Variants in SEMA5A observed in about 807,000 individuals in gnomAD.
The protein encoded by SEMA5A is semaphorin-5A.
Under a neutral mutation model 135.5 loss-of-function variants are expected in SEMA5A, and 55 were observed. The observed-to-expected ratio is 0.41, with a 90% CI of 0.33 to 0.51. The LOEUF (loss-of-function observed/expected upper bound fraction) is 0.51. Ranked by LOEUF, SEMA5A falls within the 20% of genes least tolerant of loss-of-function variation. SEMA5A has a pLI of 0.37. For missense variants in SEMA5A, 1,290 were observed against 1,419.9 expected (o/e 0.91, Z 1.47); for synonymous variants, 580 against 546.5 (o/e 1.06, Z -0.85).
At chr5:9,218,634 T>C (rs1027105591) in intron 8 of SEMA5A, among the ~76,000 whole-genome samples, 1 of 152,092 alleles carries the variant, frequency 6.6e-6, no homozygotes, top group Non-Finnish European at 1.5e-5. Flanking sequence ...CACAAAAATG[T>C]TGCAAAAAAC....
intron 21 of SEMA5A, among the ~76,000 whole-genome samples, chr5:9,045,600 G>T (rs1203827995): frequency 1.3e-5 from 2 of 152,078 alleles, no homozygotes; most frequent in African/African-American, 4.8e-5. Flanking sequence ...GTGCTGGTGT[G>T]GTGTAAATAC....
chr5:9,374,622 CGTGTGTGTGTGT>C (rs3086524), intron 3 of SEMA5A, among the ~76,000 whole-genome samples: 1 of 147,132 alleles, frequency 6.8e-6, no homozygotes, highest in Non-Finnish European at 1.5e-5. Flanking sequence ...CACAAGACAT[CGTGTGTGTGTGT>C]GTGTGTGTGT....
At chr5:9,339,200 G>A (rs1313556609) in intron 3 of SEMA5A, among the ~76,000 whole-genome samples, 1 of 152,158 alleles carries the variant, frequency 6.6e-6, no homozygotes, top group East Asian at 1.9e-4. Flanking sequence ...AACAGCACTA[G>A]TATCTTTAAA....
At chr5:9,505,871 A>G (rs1395356077) in intron 1 of SEMA5A, among the ~76,000 whole-genome samples, 1 of 152,194 alleles carries the variant, frequency 6.6e-6, no homozygotes, top group African/African-American at 2.4e-5. Flanking sequence ...AATAGTCTCA[A>G]AGTGAGCAAT....
At chr5:9,314,373 G>GAAAA in intron 5 of SEMA5A, among the ~76,000 whole-genome samples, 1 of 120,514 alleles carries the variant, frequency 8.3e-6, no homozygotes. Flanking sequence ...CTGAGTTCCA[G>GAAAA]AAAAAAAAAA....
chr5:9,221,552 T>G (rs62341024), intron 8 of SEMA5A, among the ~76,000 whole-genome samples: 132,620 of 150,858 alleles, frequency 0.88, 58,327 homozygotes, highest in Non-Finnish European at 0.9. Flanking sequence ...TCCGCCCGCC[T>G]CGGCCTCCCA....
At chr5:9,343,813 G>A (rs573638535) in intron 3 of SEMA5A, among the ~76,000 whole-genome samples, 4 of 152,182 alleles carry the variant, frequency 2.6e-5, no homozygotes, top group African/African-American at 9.6e-5. Context: ...GCGTTACCAG[G>A]CCTGTTACTT....
At chr5:9,110,234 C>T (rs1219050164) in intron 15 of SEMA5A, among the ~76,000 whole-genome samples, 1 of 152,214 alleles carries the variant, frequency 6.6e-6, no homozygotes, top group Non-Finnish European at 1.5e-5. Context: ...TTCCACAGAG[C>T]TCCAGAGACA....
chr5:9,373,698 G>C (rs560064433), intron 3 of SEMA5A, among the ~76,000 whole-genome samples: 2 of 152,264 alleles, frequency 1.3e-5, no homozygotes, highest in African/African-American at 4.8e-5. Context: ...AGTAATCTTA[G>C]GCATTAATGC....
chr5:9,535,997 C>G (rs1385054372), intron 1 of SEMA5A, among the ~76,000 whole-genome samples: 2 of 152,088 alleles, frequency 1.3e-5, no homozygotes, highest in African/African-American at 4.8e-5. Flanking sequence ...AGGAACAAGA[C>G]TAGGAGAAAA....
At chr5:9,427,701 A>G (rs948872040) in intron 2 of SEMA5A, among the ~76,000 whole-genome samples, 2 of 152,194 alleles carry the variant, frequency 1.3e-5, no homozygotes, top group Non-Finnish European at 2.9e-5. Context: ...GCGTGTGTGT[A>G]TCCACAGTCA....
intron 3 of SEMA5A, among the ~76,000 whole-genome samples, chr5:9,359,830 T>A (rs1754613768): frequency 6.6e-6 from 1 of 152,156 alleles, no homozygotes; most frequent in Non-Finnish European, 1.5e-5. Context: ...AAAATGTCCA[T>A]CCAGTTTTGA....
intron 8 of SEMA5A, among the ~76,000 whole-genome samples, chr5:9,213,411 C>T (rs1746448938): frequency 6.6e-6 from 1 of 152,194 alleles, no homozygotes; most frequent in African/African-American, 2.4e-5. Flanking sequence ...GAGGCTAAAA[C>T]TGAACATGGT....
At chr5:9,322,440 C>A (rs1373760758) in intron 4 of SEMA5A, among the ~76,000 whole-genome samples, 1 of 152,048 alleles carries the variant, frequency 6.6e-6, no homozygotes, top group South Asian at 2.1e-4. Flanking sequence ...AATACCATCA[C>A]CAGCACCAGC....
Position 9,035,694 on chromosome 5 carries a change from G to C in SEMA5A, c.*7203C>G, listed in dbSNP as rs377218078. The C allele has an allele frequency of 2.7e-4, 41 of 152,200 alleles. No individual in the cohort carries two copies. The highest frequency in any genetic ancestry group is 9.9e-4 in the African/African-American group (41 of 41,526). The allele number at this position is 152,200 out of a possible 1,614,324, so 9.4% of individuals were successfully genotyped here. On this transcript the variant is annotated 3_prime_UTR_variant, in exon 23 of 23. Coordinates refer to ENST00000382496, the MANE Select transcript of SEMA5A (RefSeq NM_003966.3). The stretch of plus-strand genomic sequence containing the variant: ...GCACATGTAACAAGAAGGTTTTGAA[G>C]AATATCAATGCTTCAAATGTAAGGA...
At chr5:9,205,178 T>C (rs1042200086) in intron 8 of SEMA5A, among the ~76,000 whole-genome samples, 4 of 152,168 alleles carry the variant, frequency 2.6e-5, no homozygotes, top group Admixed American at 6.5e-5. Flanking sequence ...TGGTAAGCTC[T>C]TGGCTGGACA....
chr5:9,369,621 G>A (rs2126426795), intron 3 of SEMA5A, among the ~76,000 whole-genome samples: 1 of 152,114 alleles, frequency 6.6e-6, no homozygotes, highest in Non-Finnish European at 1.5e-5. Context: ...ATTTACCATA[G>A]CCTCTTCACT....
At chr5:9,480,539 C>G (rs2126776986) in intron 1 of SEMA5A, among the ~76,000 whole-genome samples, 1 of 152,278 alleles carries the variant, frequency 6.6e-6, no homozygotes, top group East Asian at 1.9e-4. Context: ...TTTTTGGTGG[C>G]AACCCTGCCT....
chr5:9,339,564 C>T (rs997724190), intron 3 of SEMA5A, among the ~76,000 whole-genome samples: 1 of 151,150 alleles, frequency 6.6e-6, no homozygotes, highest in Non-Finnish European at 1.5e-5. Context: ...GAAGTAAGAA[C>T]AAGTAAGTGA....
Sources: gnomAD v4.1 joint callset for allele counts (sites outside exome capture counted in the v4.1 genomes callset) on GRCh38, gnomAD v4.1.1 for gene constraint, MANE v1.5 for transcripts, NCBI Gene and HGNC (gene_info 2026-07-23, HGNC 2026-07-21) for gene names.